Variants in CDKL3 observed in about 807,000 individuals in gnomAD.
The protein encoded by CDKL3 is cyclin dependent kinase like 3.
A neutral mutation model predicts 69.3 loss-of-function variants in CDKL3; 65 were observed. The ratio of observed to expected loss-of-function variants is 0.94; its 90% confidence interval spans 0.77 to 1.15. The LOEUF is 1.15. CDKL3 is among the 50% of genes most tolerant of loss of function. The pLI, the probability that CDKL3 is intolerant of heterozygous loss-of-function variation, is 0.00. For missense variants in CDKL3, 652 were observed against 689.2 expected, an observed-to-expected ratio of 0.95 and a Z score of 0.61; for synonymous variants, 202 against 221.6, an observed-to-expected ratio of 0.91 and a Z score of 0.79.
chr5:134,325,006 C>A (rs920803960), intron 4 of CDKL3, among the ~76,000 whole-genome samples: 3 of 152,086 alleles, frequency 2.0e-5, no homozygotes, highest in African/African-American at 7.2e-5. Flanking sequence ...AAATTAAAGT[C>A]CCTGAATATA....
chr5:134,367,251 G>C (rs1284059230), upstream of CDKL3: 1 of 985,322 alleles, frequency 1.0e-6, no homozygotes, highest in Admixed American at 6.1e-5. Context: ...CCTACTCTGG[G>C]TAGGCGCAAG....
At chr5:134,349,498 T>A (rs1037663242) in intron 4 of CDKL3, among the ~76,000 whole-genome samples, 12 of 152,132 alleles carry the variant, frequency 7.9e-5, no homozygotes, top group African/African-American at 2.9e-4. Flanking sequence ...TATTTGCCAG[T>A]CTTCACAAAG....
chr5:134,351,058 C>G lies in CDKL3; in HGVS notation c.361-631G>C, dbSNP rs575096448. On this transcript the variant is annotated intron_variant, in intron 3 of 12. Coordinates refer to ENST00000265334, the MANE Select transcript of CDKL3 (RefSeq NM_001113575.2). ...CCTACATTGCATTAAACTTCTCTAG[C>G]CAAAGCCATCTACATTTTTCCTACA... is the stretch of plus-strand genomic sequence containing the variant. 4.6e-5 allele frequency among the ~76,000 whole-genome samples: 7 copies of G among 152,232 alleles called. No individual in the cohort carries two copies. In the East Asian group the frequency reaches 1.2e-3, roughly 25 times the overall value.
intron 6 of CDKL3, among the ~76,000 whole-genome samples, chr5:134,315,139 A>G (rs1186191085): frequency 6.6e-6 from 1 of 152,130 alleles, no homozygotes; most frequent in African/African-American, 2.4e-5. Flanking sequence ...TGGAACAGAA[A>G]CAAACCCACA....
At chr5:134,304,348 GA>G in intron 11 of CDKL3, 56 bp downstream of exon 11, 1 of 1,358,296 alleles carries the variant, frequency 7.4e-7, no homozygotes, top group East Asian at 2.5e-5. Flanking sequence ...GTTATATTAT[GA>G]AAAAATCTTA....
In CDKL3 at chr5:134,303,872, T is replaced by A. The variant is rs529311450; in HGVS notation, c.1621+533A>T. ...TTAAATAAATAAATAAATAAATAAATTTTAATAATTTACCTTTTAAAGCTG... is the reference window on the plus strand; with the variant it reads ...TTAAATAAATAAATAAATAAATAAAATTTAATAATTTACCTTTTAAAGCTG... On this transcript the variant is annotated intron_variant, in intron 11 of 12. Transcript: ENST00000265334. 3.3e-5 allele frequency among the ~76,000 whole-genome samples: 5 copies of A among 151,992 alleles called. No homozygotes were observed. In the East Asian group the frequency reaches 7.7e-4, roughly 23 times the overall value.
intron 4 of CDKL3, among the ~76,000 whole-genome samples, chr5:134,335,160 C>G (rs1776759618): frequency 7.0e-6 from 1 of 142,160 alleles, no homozygotes; most frequent in East Asian, 2.0e-4. Context: ...TTTTTTTCCG[C>G]TTTCCATTTG....
At chr5:134,338,323 C>T (rs1406065514) in intron 4 of CDKL3, among the ~76,000 whole-genome samples, 1 of 152,034 alleles carries the variant, frequency 6.6e-6, no homozygotes, top group Non-Finnish European at 1.5e-5. Context: ...TAAATAGGAA[C>T]TTATCAGTTG....
intron 6 of CDKL3, among the ~76,000 whole-genome samples, chr5:134,313,637 T>C (rs1474308158): frequency 6.6e-6 from 1 of 152,138 alleles, no homozygotes; most frequent in Non-Finnish European, 1.5e-5. Context: ...TTAAACTGAT[T>C]CACAGAAAAA....
chr5:134,305,384 G>A (rs1391256793), intron 10 of CDKL3, among the ~76,000 whole-genome samples: 1 of 152,108 alleles, frequency 6.6e-6, no homozygotes, highest in African/African-American at 2.4e-5. Context: ...AAAATGCTAG[G>A]ATTACAGGTG....
At chr5:134,306,729 T>A in intron 9 of CDKL3, 27 bp from the exon 10 acceptor site, 1 of 831,682 alleles carries the variant, frequency 1.2e-6, no homozygotes, top group Non-Finnish European at 1.9e-6. Flanking sequence ...AATGAGAAGT[T>A]ACTAAAACTC....
At position 134,350,244 on chromosome 5, in the gene CDKL3, C is replaced by A; in HGVS notation, c.539+5G>T. 1 of 1,547,796 alleles carries A rather than the reference C, an allele frequency of 6.5e-7. No homozygotes were observed. Among genetic ancestry groups the A allele is most frequent in the Non-Finnish European group, 8.7e-7 (1 of 1,148,136 alleles). ...AAGGCTGACAGGATCCCAAAATACA[C>A]ATACTTTCCATAAGAAGTATCTTTT... On this transcript the variant is annotated splice_donor_5th_base_variant and intron_variant, in intron 4 of 12. Transcript: ENST00000265334.
rs185042893 is a variant in CDKL3, at chr5:134,362,171, C to T, written c.166-2080G>A. On this transcript the variant is annotated intron_variant, in intron 2 of 12. Transcript: ENST00000265334. ...TCTCCATTACTAGACAACTTTTCTA[C>T]AGATATTCTCACTAATTACTCTAAC... Among the ~76,000 whole-genome samples, 27 of 152,304 alleles carry T rather than the reference C, an allele frequency of 1.8e-4. No individual in the cohort carries two copies. The East Asian group carries it at 5.0e-3, about 28-fold the overall frequency.
At chr5:134,296,782 T>TACACACACACACAC (rs36097045), downstream of CDKL3, among the ~76,000 whole-genome samples, 342 of 141,552 alleles carry the variant, frequency 2.4e-3, no homozygotes, top group African/African-American at 8.4e-3. Context: ...ACCCTGTCTC[T>TACACACACACACAC]ACACACACAC....
intron 6 of CDKL3, among the ~76,000 whole-genome samples, chr5:134,318,124 C>T (rs1013597417): frequency 7.9e-5 from 12 of 151,444 alleles, no homozygotes; most frequent in East Asian, 3.9e-4. Context: ...GAGGCTGAGG[C>T]AGGAAAATTG....
chr5:134,354,523 G>A lies in CDKL3; in HGVS notation c.361-4096C>T, dbSNP rs182988148. On this transcript the variant is annotated intron_variant, in intron 3 of 12. Transcript: ENST00000265334. ...TTTCTAATTGAGCCACTTTAAAGTT[G>A]CCATCTGTCAAAATATATAAATCCT... 3.0e-4 allele frequency among the ~76,000 whole-genome samples: 46 copies of A among 152,224 alleles called. 1 individual carries two copies. The East Asian group carries it at 7.0e-3, about 23-fold the overall frequency.
At chr5:134,359,697 T>C (rs1443514984) in intron 3 of CDKL3, among the ~76,000 whole-genome samples, 200 bp downstream of exon 3, 3 of 152,236 alleles carry the variant, frequency 2.0e-5, no homozygotes, top group South Asian at 2.1e-4. Flanking sequence ...TGCCTTATAG[T>C]TGGAATTACT....
chr5:134,287,082 A>G, intron 8 of CDKL3, among the ~76,000 whole-genome samples: 1 of 152,206 alleles, frequency 6.6e-6, no homozygotes, highest in Admixed American at 6.5e-5. Flanking sequence ...AACAGGTAGG[A>G]AGAAAAATTA....
rs376769999 is a variant in CDKL3, at chr5:134,354,084, G to A, written c.361-3657C>T. 1.5e-4 allele frequency among the ~76,000 whole-genome samples: 23 copies of A among 152,212 alleles called. 1 individual carries two copies. In the South Asian group the frequency reaches 4.6e-3, roughly 30 times the overall value. On this transcript the variant is annotated intron_variant, in intron 3 of 12. Transcript: ENST00000265334. ...CTGGCCAAGCCAGCTATTTCCTCAG[G>A]ACTCAGCTTATATGTTAGTATTAGA... is the stretch of plus-strand genomic sequence containing the variant.
Sources: allele counts gnomAD v4.1 joint callset (sites outside exome capture counted in the v4.1 genomes callset), GRCh38; gene constraint gnomAD v4.1.1; transcripts MANE v1.5; gene names NCBI Gene and HGNC (gene_info 2026-07-23, HGNC 2026-07-21).